SPATC1: variants seen among roughly 807,000 people sequenced by gnomAD.
SPATC1 encodes speriolin.
Under a neutral mutation model 36.5 loss-of-function variants are expected in SPATC1, and 35 were observed. The observed-to-expected ratio is 0.96, with a 90% confidence interval of 0.73 to 1.27. SPATC1 has a LOEUF of 1.27. Ranked by LOEUF, SPATC1 falls within the 50% of genes most tolerant of loss-of-function variation. The probability of loss-of-function intolerance (pLI) is 0.00; values close to 1 mark genes in which losing one functional copy is unlikely to be tolerated. For synonymous variants in SPATC1, 361 were observed against 353.6 expected, an observed-to-expected ratio of 1.02 and a Z score of -0.24; for missense variants, 779 against 796.0, an observed-to-expected ratio of 0.98 and a Z score of 0.26.
chr8:144,045,929 C>T lies in SPATC1; in HGVS notation c.1447-698C>T, dbSNP rs1289826334. Among the ~76,000 whole-genome samples the T allele has an allele frequency of 1.3e-5, 2 of 152,224 alleles. No individual in the cohort carries two copies. The highest frequency in any genetic ancestry group is 2.9e-5 in the Non-Finnish European group (2 of 68,030). ...CATGCCTTAGGGCGGGAGCCAGTCA[C>T]TGCCTGGCTGGTGGGAGGACACAGG... On this transcript the variant is annotated intron_variant, in intron 4 of 4. Transcript: ENST00000377470. The surrounding 1 kb of genome is among the most constrained non-coding windows in gnomAD (Gnocchi z 5.2).
At chr8:144,042,597 C>T (rs903547841) in intron 4 of SPATC1, among the ~76,000 whole-genome samples, 5 of 152,066 alleles carry the variant, frequency 3.3e-5, no homozygotes, top group South Asian at 4.1e-4. Context: ...GCGGGGATGA[C>T]AGGCGTGAGC....
Position 144,041,264 on chromosome 8 carries a change from G to A in SPATC1, c.1339G>A (p.Gly447Ser). The change falls in exon 4 of 5, where the codon GGT becomes AGT. Residue 447 changes from glycine to serine, a missense_variant. Transcript: ENST00000377470. ...SKQLAWERLV[G>S]EIAFQLDRRI... ...GCAGCTGGCCTGGGAGAGGCTGGTG[G>A]GTGAGATTGCCTTCCAGCTGGACCG... is the stretch of plus-strand genomic sequence containing the variant. 1 of 1,613,130 alleles carries A rather than the reference G, an allele frequency of 6.2e-7. No homozygotes were observed. Among genetic ancestry groups the A allele is most frequent in the African/African-American group, 1.3e-5 (1 of 75,064 alleles).
At chr8:144,026,999 T>C (rs1220668031) in intron 1 of SPATC1, among the ~76,000 whole-genome samples, 1 of 145,090 alleles carries the variant, frequency 6.9e-6, no homozygotes, top group African/African-American at 2.5e-5. Context: ...TTTTTTTTTT[T>C]TTTTTTGGAT....
At chr8:144,029,307 G>A (rs1469507499) in intron 1 of SPATC1, among the ~76,000 whole-genome samples, 3 of 146,788 alleles carry the variant, frequency 2.0e-5, no homozygotes, top group East Asian at 2.1e-4. Context: ...GGTAGCTCAC[G>A]CCTGTAATCC....
intron 1 of SPATC1, among the ~76,000 whole-genome samples, chr8:144,024,801 C>T (rs1419690983): frequency 2.2e-5 from 3 of 136,872 alleles, no homozygotes; most frequent in East Asian, 4.3e-4. Context: ...CCCTCAGCAC[C>T]CTCTTCCCTG....
chr8:144,035,813 G>A (rs1472329480), intron 1 of SPATC1, among the ~76,000 whole-genome samples: 4 of 152,328 alleles, frequency 2.6e-5, no homozygotes, highest in East Asian at 1.9e-4. Context: ...CTGGCTGTGC[G>A]GGGACAGTGG....
chr8:144,041,273 G>A lies in SPATC1; in HGVS notation c.1348G>A (p.Ala450Thr), dbSNP rs1283970672. The part of the protein sequence containing the change: ...LAWERLVGEI[A>T]FQLDRRILSS... ...CTGGGAGAGGCTGGTGGGTGAGATT[G>A]CCTTCCAGCTGGACCGCAGGATCCT... The change falls in exon 4 of 5, where the codon GCC becomes ACC. Residue 450 changes from alanine to threonine, a missense_variant. Physicochemically the swap from Ala to Thr is moderately conservative, Grantham distance 58. Coordinates refer to ENST00000377470, the MANE Select transcript of SPATC1 (RefSeq NM_198572.3). 1.1e-5 allele frequency: 18 copies of A among 1,612,926 alleles called. No homozygotes were observed. Among genetic ancestry groups the A allele is most frequent in the Non-Finnish European group, 1.5e-5 (18 of 1,179,990 alleles).
At chr8:144,042,411 C>G (rs1176916851) in intron 4 of SPATC1, among the ~76,000 whole-genome samples, 4 of 144,666 alleles carry the variant, frequency 2.8e-5, no homozygotes, top group Non-Finnish European at 6.0e-5. Flanking sequence ...CCTCTGCCTC[C>G]TGGGTTCAAG....
rs138639434 is a variant in SPATC1, at chr8:144,016,623, GTTTT to G, written c.211+3901_211+3904del. ...ATGGTTTTTGTTTGTTTGTTTGTTTGTTTTTTTGTTTGTTTGTTTTTGAGACAGA... is the reference window on the plus strand; with the variant it reads ...ATGGTTTTTGTTTGTTTGTTTGTTTGTTTGTTTGTTTGTTTTTGAGACAGA... On this transcript the variant is annotated intron_variant, in intron 1 of 4. Transcript: ENST00000377470. The surrounding 1 kb of genome is among the most constrained non-coding windows in gnomAD (Gnocchi z 4.5). 0.046 allele frequency among the ~76,000 whole-genome samples: 6,973 copies of G among 151,110 alleles called. 550 individuals carry two copies. The highest frequency in any genetic ancestry group is 0.16 in the African/African-American group (6,532 of 40,718).
At chr8:144,035,573 G>C (rs930702595) in intron 1 of SPATC1, among the ~76,000 whole-genome samples, 1 of 152,190 alleles carries the variant, frequency 6.6e-6, no homozygotes, top group Non-Finnish European at 1.5e-5. Flanking sequence ...TGTGTGCTAC[G>C]TGATGGTCCT....
chr8:144,014,580 C>T (rs2133094604), intron 1 of SPATC1, among the ~76,000 whole-genome samples: 1 of 152,288 alleles, frequency 6.6e-6, no homozygotes, highest in South Asian at 2.1e-4. Context: ...CTCCTCCCAG[C>T]TTTCATTCTT....
At position 144,040,788 on chromosome 8, in the gene SPATC1, C is replaced by A. The variant is rs782217096; in HGVS notation, c.987C>A (p.Ser329=). The change falls in exon 3 of 5, where the codon TCC becomes TCA. Residue 329 remains serine, a synonymous_variant. Coordinates refer to ENST00000377470, the MANE Select transcript of SPATC1 (RefSeq NM_198572.3). ...PASVPTSPTT[S]PTVTVLASAP... ...CTGTCCCCACCTCCCCCACCACCTC[C>A]CCCACGGTCACCGTCCTTGCCTCTG... 6.4e-7 allele frequency: 1 copy of A among 1,568,670 alleles called. No individual in the cohort carries two copies. Among genetic ancestry groups the A allele is most frequent in the Non-Finnish European group, 8.6e-7 (1 of 1,158,446 alleles).
At chr8:144,019,042 A>G (rs1834450584) in intron 1 of SPATC1, among the ~76,000 whole-genome samples, 2 of 82,396 alleles carry the variant, frequency 2.4e-5, no homozygotes, top group South Asian at 5.7e-4. Context: ...ACTCCGTCTC[A>G]AAAAAAAAAA....
At chr8:144,044,127 C>A (rs576139618) in intron 4 of SPATC1, among the ~76,000 whole-genome samples, 1 of 152,326 alleles carries the variant, frequency 6.6e-6, no homozygotes, top group East Asian at 1.9e-4. Context: ...AGTCAATCCA[C>A]TCTCCTGGGG....
Position 144,016,601 on chromosome 8 carries a change from G to A in SPATC1, c.211+3875G>A, listed in dbSNP as rs1834398695. 6.7e-6 allele frequency among the ~76,000 whole-genome samples: 1 copy of A among 149,252 alleles called. No homozygotes were observed. The highest frequency in any genetic ancestry group is 2.1e-4 in the South Asian group (1 of 4,808). ...TGAAGGCGCTAAGAAGACACTGATG[G>A]TTTTTGTTTGTTTGTTTGTTTGTTT... On this transcript the variant is annotated intron_variant, in intron 1 of 4. Coordinates refer to ENST00000377470, the MANE Select transcript of SPATC1 (RefSeq NM_198572.3). The surrounding 1 kb of genome is among the most constrained non-coding windows in gnomAD (Gnocchi z 4.5).
chr8:144,041,418 G>A (rs782326483), intron 4 of SPATC1, 47 bp downstream of exon 4: 2 of 1,592,246 alleles, frequency 1.3e-6, no homozygotes, highest in South Asian at 2.2e-5. Context: ...GTTGGCCCAT[G>A]AGGGGCCGTG....
Position 144,012,548 on chromosome 8 carries a change from G to A in SPATC1, c.33G>A (p.Arg11=), listed in dbSNP as rs781798699. The A allele has an allele frequency of 1.4e-5, 22 of 1,551,776 alleles. No homozygotes were observed. The highest frequency in any genetic ancestry group is 7.3e-5 in the East Asian group (3 of 40,912). MSLLTNYEGL[R]HQIERLVREN... Reference sequence around the variant, plus strand: ...TACTCACCAATTATGAAGGGCTTCGGCATCAGATAGAGAGGCTGGTGCGGG... The same window carrying A: ...TACTCACCAATTATGAAGGGCTTCGACATCAGATAGAGAGGCTGGTGCGGG... The change falls in exon 1 of 5, where the codon CGG becomes CGA. Residue 11 remains arginine, a synonymous_variant. Coordinates refer to ENST00000377470, the MANE Select transcript of SPATC1 (RefSeq NM_198572.3).
At chr8:144,014,287 GAGGA>G (rs1554752833) in intron 1 of SPATC1, among the ~76,000 whole-genome samples, 2 of 147,776 alleles carry the variant, frequency 1.4e-5, no homozygotes, top group Non-Finnish European at 3.0e-5. Context: ...GAGAGAGAGA[GAGGA>G]AGGAAGGAAG....
At position 144,020,251 on chromosome 8, in the gene SPATC1, T is replaced by C. The variant is rs915833861; in HGVS notation, c.211+7525T>C. Among the ~76,000 whole-genome samples the C allele has an allele frequency of 1.2e-4, 18 of 150,310 alleles. No individual in the cohort carries two copies. The South Asian group carries it at 3.8e-3, about 32-fold the overall frequency. ...GCTGTTCTCTCAGGACACTCTTCCC[T>C]GAAGACCCTCTCCGCTGAAGAACCT... On this transcript the variant is annotated intron_variant, in intron 1 of 4. Transcript: ENST00000377470.
Sources: allele counts gnomAD v4.1 joint callset (sites outside exome capture counted in the v4.1 genomes callset), GRCh38; gene constraint gnomAD v4.1.1; non-coding constraint Gnocchi (gnomAD v3.1); transcripts MANE v1.5; gene names NCBI Gene and HGNC (gene_info 2026-07-23, HGNC 2026-07-21).